FBRSL1: variants seen among roughly 807,000 people sequenced by gnomAD.
The protein encoded by FBRSL1 is fibrosin-1-like protein.
In FBRSL1, 51 loss-of-function variants were observed where a neutral mutation model predicts 89.6. That is an observed-to-expected ratio of 0.57 (90% CI 0.45 to 0.72). The LOEUF (loss-of-function observed/expected upper bound fraction) is 0.72. FBRSL1 is among the 30% of genes least tolerant of loss of function. FBRSL1 has a pLI of 0.00. For synonymous variants in FBRSL1, 779 were observed against 681.1 expected, an observed-to-expected ratio of 1.14 and a Z score of -2.24; for missense variants, 1,618 against 1,451.8, an observed-to-expected ratio of 1.11 and a Z score of -1.86.
rs1277079266 is a variant in FBRSL1 at position 132,584,979 on chromosome 12, C to T, written c.*1201C>T. 6.6e-6 allele frequency: 1 copy of T among 152,318 alleles called. No homozygotes were observed. Among genetic ancestry groups the T allele is most frequent in the African/African-American group, 2.4e-5 (1 of 41,552 alleles). 9.4% of individuals were successfully genotyped at this position (152,318 alleles called of 1,614,324 possible). Reference sequence around the variant, plus strand: ...TTGCCCTCACCCACATGAGCCCCCCCATGCCCTGCCCCCCTTGCGGCCTTT... The same window carrying T: ...TTGCCCTCACCCACATGAGCCCCCCTATGCCCTGCCCCCCTTGCGGCCTTT... On this transcript the variant is annotated 3_prime_UTR_variant, in exon 19 of 19. Coordinates refer to ENST00000680143, the MANE Select transcript of FBRSL1 (RefSeq NM_001367871.1).
chr12:132,543,353 G>A (rs2037424567), intron 4 of FBRSL1, among the ~76,000 whole-genome samples: 1 of 152,164 alleles, frequency 6.6e-6, no homozygotes, highest in South Asian at 2.1e-4. Flanking sequence ...GCCCACGCCG[G>A]GCTCCGTGAA....
At chr12:132,493,638 A>C (rs2031493295) in intron 1 of FBRSL1, among the ~76,000 whole-genome samples, 1 of 151,964 alleles carries the variant, frequency 6.6e-6, no homozygotes, top group South Asian at 2.1e-4. Flanking sequence ...TGCCCCCGGC[A>C]GGTCCCTGCC....
chr12:132,567,650 C>T (rs2039720717), intron 6 of FBRSL1, 124 bp downstream of exon 6: 1 of 995,750 alleles, frequency 1.0e-6, no homozygotes, highest in Middle Eastern at 2.1e-4. Context: ...GGGTGCAGAG[C>T]TGGGTGGGAC....
At position 132,583,816 on chromosome 12, in the gene FBRSL1, C is replaced by A; in HGVS notation, c.*38C>A. ...AGACGCCTCTCCGAGCGGAGCGCAC[C>A]GCTGTCCGTCTCTCCATCAGTTCCT... On this transcript the variant is annotated 3_prime_UTR_variant, in exon 19 of 19. Coordinates refer to ENST00000680143, the MANE Select transcript of FBRSL1 (RefSeq NM_001367871.1). 8.9e-7 allele frequency: 1 copy of A among 1,123,374 alleles called. No individual in the cohort carries two copies. Among genetic ancestry groups the A allele is most frequent in the Non-Finnish European group, 1.1e-6 (1 of 899,618 alleles). The allele number at this position is 1,123,374 out of a possible 1,614,324, so 69.6% of individuals were successfully genotyped here. A position where few individuals can be genotyped will look rare whatever the true frequency, so the allele number is the denominator to read the frequency against.
intron 5 of FBRSL1, chr12:132,551,427 C>T: frequency 2.2e-6 from 1 of 456,308 alleles, no homozygotes; most frequent in Non-Finnish European, 4.4e-6. Flanking sequence ...ACAGCCCTGC[C>T]CGCAGAAGCG....
At chr12:132,544,743 G>A (rs2037540626) in intron 4 of FBRSL1, among the ~76,000 whole-genome samples, 1 of 151,960 alleles carries the variant, frequency 6.6e-6, no homozygotes, top group South Asian at 2.1e-4. Flanking sequence ...TGATGGTTGT[G>A]ACAATGGTGA....
chr12:132,559,687 C>G (rs2038947864), intron 5 of FBRSL1, among the ~76,000 whole-genome samples: 1 of 152,218 alleles, frequency 6.6e-6, no homozygotes, highest in Non-Finnish European at 1.5e-5. Context: ...GCGCCGGCCA[C>G]CGCGCCCGGC....
chr12:132,511,124 A>T (rs1335796476), intron 2 of FBRSL1: 3 of 985,242 alleles, frequency 3.0e-6, no homozygotes, highest in Non-Finnish European at 3.6e-6. Flanking sequence ...CAGGGCCCCC[A>T]AGCTACAGGG....
chr12:132,490,907 GC>G, intron 1 of FBRSL1, 46 bp downstream of exon 1: 1 of 1,172,756 alleles, frequency 8.5e-7, no homozygotes, highest in Non-Finnish European at 1.1e-6. Flanking sequence ...CGAGAACGGG[GC>G]CCGGAGTTGA....
At chr12:132,550,105 C>T (rs577871560) in intron 5 of FBRSL1, among the ~76,000 whole-genome samples, 4 of 151,322 alleles carry the variant, frequency 2.6e-5, no homozygotes, top group Non-Finnish European at 5.9e-5. Flanking sequence ...TTCCTGCACA[C>T]AGAGGGTCCC....
intron 5 of FBRSL1, chr12:132,552,096 C>T (rs901794991): frequency 5.1e-6 from 1 of 194,450 alleles, no homozygotes; most frequent in Non-Finnish European, 1.1e-5. Flanking sequence ...CCATCCACAG[C>T]CTCCATGTTC....
Position 132,582,973 on chromosome 12 carries a change from A to G in FBRSL1, c.2204A>G (p.Asp735Gly). 1 of 1,419,212 alleles carries G rather than the reference A, an allele frequency of 7.0e-7. No homozygotes were observed. The highest frequency in any genetic ancestry group is 9.1e-7 in the Non-Finnish European group (1 of 1,095,880). The allele number at this position is 1,419,212 out of a possible 1,614,324, so 87.9% of individuals were successfully genotyped here. Residue 735 changes from aspartate to glycine, a missense_variant and splice_region_variant, in exon 19 of 19, where the codon GAC (aspartate) becomes GGC (glycine). Transcript: ENST00000680143. ...PDNGKEEQER[D>G]LLEKTRLLSR... ...CGGGTCCGCCCTGCCGCCCCCAGGG[A>G]CCTCCTGGAGAAGACGCGCCTGCTG...
At chr12:132,537,315 G>A (rs987343196) in intron 4 of FBRSL1, among the ~76,000 whole-genome samples, 6 of 152,134 alleles carry the variant, frequency 3.9e-5, no homozygotes, top group African/African-American at 1.2e-4. Context: ...GAGTCGGGCC[G>A]AGCCCAGAGG....
intron 4 of FBRSL1, among the ~76,000 whole-genome samples, chr12:132,533,731 A>T (rs1293905568): frequency 6.6e-6 from 1 of 152,256 alleles, no homozygotes; most frequent in Non-Finnish European, 1.5e-5. Context: ...GCCTCAGCAC[A>T]GCCTGACTCT....
chr12:132,523,876 A>G (rs978588469), intron 2 of FBRSL1, among the ~76,000 whole-genome samples: 1 of 152,156 alleles, frequency 6.6e-6, no homozygotes, highest in Admixed American at 6.5e-5. Context: ...GCAGAGGTGG[A>G]CAGAACCCCT....
At chr12:132,538,821 T>C (rs2036973906) in intron 4 of FBRSL1, among the ~76,000 whole-genome samples, 1 of 141,736 alleles carries the variant, frequency 7.1e-6, no homozygotes, top group Non-Finnish European at 1.6e-5. Flanking sequence ...TAAGCAAATA[T>C]AGCATTTTTC....
At chr12:132,508,795 C>T (rs2033994258) in intron 2 of FBRSL1, among the ~76,000 whole-genome samples, 1 of 152,238 alleles carries the variant, frequency 6.6e-6, no homozygotes, top group South Asian at 2.1e-4. Flanking sequence ...AATACTTGGT[C>T]CCGGCAGTGG....
intron 5 of FBRSL1, among the ~76,000 whole-genome samples, chr12:132,560,584 TTGTC>T (rs1294511328): frequency 1.3e-5 from 2 of 152,116 alleles, no homozygotes; most frequent in Non-Finnish European, 2.9e-5. Flanking sequence ...TTGGAGTTCT[TTGTC>T]TGGGGCGGGG....
Position 132,563,815 on chromosome 12 carries a change from C to T in FBRSL1, c.646-3666C>T, listed in dbSNP as rs1323770669. ...CACTCACCCCCGTCGCCCCTGAACC[C>T]CCGAGCTTGTGTGCACCCCCTGCAC... On this transcript the variant is annotated intron_variant, in intron 5 of 18. Coordinates refer to ENST00000680143, the MANE Select transcript of FBRSL1 (RefSeq NM_001367871.1). 6.4e-5 allele frequency among the ~76,000 whole-genome samples: 4 copies of T among 62,854 alleles called. 1 individual carries two copies. Among genetic ancestry groups the T allele is most frequent in the African/African-American group, 3.7e-4 (4 of 10,902 alleles). The allele number at this position is 62,854 out of a possible 152,430, so 41.2% of individuals were successfully genotyped here.
Sources: gnomAD v4.1 joint callset for allele counts (sites outside exome capture counted in the v4.1 genomes callset) on GRCh38, gnomAD v4.1.1 for gene constraint, MANE v1.5 for transcripts, NCBI Gene and HGNC (gene_info 2026-07-23, HGNC 2026-07-21) for gene names.